MTA3: variants seen among roughly 807,000 people sequenced by gnomAD.
MTA3 encodes the protein metastasis associated 1 family member 3.
A neutral mutation model predicts 83.5 loss-of-function variants in MTA3; 34 were observed. That is an observed-to-expected ratio of 0.41 (90% CI 0.31 to 0.54). The LOEUF is 0.54. Ranked by LOEUF, MTA3 falls within the 20% of genes least tolerant of loss-of-function variation. The pLI is 0.33. For missense variants in MTA3, 761 were observed against 726.4 expected, an observed-to-expected ratio of 1.05 and a Z score of -0.55; for synonymous variants, 303 against 252.7, an observed-to-expected ratio of 1.20 and a Z score of -1.89.
In MTA3 at chr2:42,579,155, C is replaced by T. The variant is rs1391202157; in HGVS notation, c.145C>T (p.Arg49Cys). 8.1e-6 allele frequency: 13 copies of T among 1,607,556 alleles called. No homozygotes were observed. The highest frequency in any genetic ancestry group is 1.1e-5 in the Non-Finnish European group (13 of 1,177,246). ...EAKVVCFYRRRDISNTLIMLA... is the reference protein window; with the variant it reads ...EAKVVCFYRRCDISNTLIMLA... ...AAAAGTAGTATGCTTTTATAGACGA[C>T]GTGATATTTCCAACACACTTATAAT... The change falls in exon 3 of 17, where the codon CGT (arginine) becomes TGT (cysteine). Residue 49 changes from arginine (R) to cysteine (C), a missense_variant. Arg to Cys is a radical substitution (Grantham distance 180). Transcript: ENST00000405094.
intron 2 of MTA3, among the ~76,000 whole-genome samples, chr2:42,516,556 A>T (rs1467066380): frequency 6.6e-6 from 1 of 152,206 alleles, no homozygotes; most frequent in Non-Finnish European, 1.5e-5. Context: ...GTTTTATTGT[A>T]CAAAATGGCA....
chr2:42,582,673 G>A (rs957548923), intron 3 of MTA3, among the ~76,000 whole-genome samples: 1 of 152,116 alleles, frequency 6.6e-6, no homozygotes, highest in South Asian at 2.1e-4. Flanking sequence ...ATGATTTTTA[G>A]GGGGTCTGCT....
intron 2 of MTA3, among the ~76,000 whole-genome samples, chr2:42,539,577 CTTT>C (rs34577240): frequency 6.2e-5 from 6 of 96,622 alleles, no homozygotes; most frequent in Admixed American, 2.4e-4. Context: ...AATTGTAAAG[CTTT>C]TTTTTTTTTT....
In MTA3 at chr2:42,577,483, AT is replaced by A. The variant is rs750217309; in HGVS notation, c.97-1609del. ...ATATGCCTTGAAACTGTTGATTTGG[AT>A]TTTTTTTTTTTTTTGAGACGGATTG... On this transcript the variant is annotated intron_variant, in intron 2 of 16. Coordinates refer to ENST00000405094, the MANE Select transcript of MTA3 (RefSeq NM_001330442.2). 2.5e-3 allele frequency among the ~76,000 whole-genome samples: 359 copies of A among 142,316 alleles called. 2 individuals are homozygous for A. The highest frequency in any genetic ancestry group is 3.8e-3 in the East Asian group (19 of 4,978). 93.4% of individuals were successfully genotyped at this position (142,316 alleles called of 152,430 possible).
At chr2:42,571,879 A>G (rs1678525411) in intron 2 of MTA3, among the ~76,000 whole-genome samples, 1 of 151,560 alleles carries the variant, frequency 6.6e-6, no homozygotes, top group Non-Finnish European at 1.5e-5. Flanking sequence ...CCTGGGAGGC[A>G]TAGGTGGCAG....
intron 6 of MTA3, among the ~76,000 whole-genome samples, chr2:42,647,810 C>T (rs1212019248): frequency 6.6e-6 from 1 of 152,144 alleles, no homozygotes; most frequent in Non-Finnish European, 1.5e-5. Context: ...CACTTGTAAT[C>T]AGGCAACTGA....
chr2:42,626,442 C>T (rs1488503811), intron 4 of MTA3, among the ~76,000 whole-genome samples: 1 of 151,510 alleles, frequency 6.6e-6, no homozygotes, highest in Non-Finnish European at 1.5e-5. Context: ...GCATTAAAGG[C>T]ACCCACCACC....
In MTA3 at chr2:42,744,029, G is replaced by A. The variant is rs557300278; in HGVS notation, c.1760-9345G>A. On this transcript the variant is annotated intron_variant, in intron 16 of 16. Coordinates refer to ENST00000405094, the MANE Select transcript of MTA3 (RefSeq NM_001330442.2). The stretch of plus-strand genomic sequence containing the variant: ...TGCTCTCCTTGTCTCAAAGGGTAGT[G>A]TCATAACCTGGTTAAATATATTTTT... Among the ~76,000 whole-genome samples the A allele has an allele frequency of 1.4e-4, 22 of 152,324 alleles. 1 individual carries two copies. The South Asian group carries it at 4.1e-3, about 29-fold the overall frequency.
chr2:42,682,926 G>T (rs1018451486), intron 9 of MTA3, among the ~76,000 whole-genome samples: 1 of 152,052 alleles, frequency 6.6e-6, no homozygotes, highest in Admixed American at 6.6e-5. Flanking sequence ...TAAAAAACTC[G>T]CTGGGCGTGG....
rs767485847 is a variant in MTA3 at position 42,704,316 on chromosome 2, A to G, written c.1148A>G (p.Tyr383Cys). 7 of 1,613,544 alleles carry G rather than the reference A, an allele frequency of 4.3e-6. No individual in the cohort carries two copies. In the East Asian group the frequency reaches 6.7e-5, roughly 15 times the overall value. Residue 383 changes from tyrosine to cysteine, a missense_variant and splice_region_variant, in exon 12 of 17, where the codon TAT becomes TGT. Physicochemically the swap from Tyr to Cys is radical, Grantham distance 194 (BLOSUM62 -2). Coordinates refer to ENST00000405094, the MANE Select transcript of MTA3 (RefSeq NM_001330442.2). The stretch of plus-strand genomic sequence containing the variant: ...TTAGGGAGAGCCTGTGAGAGCTGCT[A>G]TGGTAAGTTTTCTCTAGCAGGTCAG... ...PLLGRACESC[Y>C]ATQSHQWYSW...
chr2:42,636,742 T>C (rs1687244465), intron 4 of MTA3, among the ~76,000 whole-genome samples: 1 of 148,804 alleles, frequency 6.7e-6, no homozygotes, highest in Non-Finnish European at 1.5e-5. Context: ...TTCTCCTGCC[T>C]CAGCCTCCAG....
chr2:42,687,646 A>G (rs879471426), intron 9 of MTA3, among the ~76,000 whole-genome samples: 3 of 152,224 alleles, frequency 2.0e-5, no homozygotes, highest in Non-Finnish European at 2.9e-5. Flanking sequence ...TTAGCTTTAT[A>G]ACATATCAGT....
At chr2:42,597,094 T>C (rs1681888286) in intron 3 of MTA3, among the ~76,000 whole-genome samples, 1 of 151,874 alleles carries the variant, frequency 6.6e-6, no homozygotes, top group Non-Finnish European at 1.5e-5. Flanking sequence ...TGTATTTTAG[T>C]AGAGACGGGG....
chr2:42,531,495 C>T (rs1436090290), intron 2 of MTA3, among the ~76,000 whole-genome samples: 1 of 130,324 alleles, frequency 7.7e-6, no homozygotes, highest in East Asian at 2.4e-4. Flanking sequence ...CTCTATCGCC[C>T]AGGCTAGAGT....
At chr2:42,514,956 G>A (rs1012853842) in intron 2 of MTA3, among the ~76,000 whole-genome samples, 2 of 151,744 alleles carry the variant, frequency 1.3e-5, no homozygotes, top group Non-Finnish European at 2.9e-5. Context: ...CTCCCAAAGC[G>A]CTGGGATTAC....
intron 14 of MTA3, among the ~76,000 whole-genome samples, chr2:42,711,788 G>GTT (rs1229927386): frequency 1.1e-4 from 17 of 149,264 alleles, no homozygotes; most frequent in South Asian, 4.3e-4. Flanking sequence ...GAGAGAGTGT[G>GTT]TGTGTGTGTG....
chr2:42,682,196 C>T (rs1447223243), intron 8 of MTA3, among the ~76,000 whole-genome samples: 1 of 152,042 alleles, frequency 6.6e-6, no homozygotes. Flanking sequence ...GCTCCCCTCC[C>T]CCCAAATAAG....
At chr2:42,558,760 G>A in intron 2 of MTA3, among the ~76,000 whole-genome samples, 1 of 149,620 alleles carries the variant, frequency 6.7e-6, no homozygotes, top group East Asian at 2.0e-4. Flanking sequence ...TCACCATATT[G>A]CCCAGGCTGG....
chr2:42,646,687 A>G (rs768336343), intron 6 of MTA3, among the ~76,000 whole-genome samples: 28 of 152,302 alleles, frequency 1.8e-4, no homozygotes, highest in Admixed American at 5.2e-4. Context: ...TAAAACTTGG[A>G]TGAGTGAGTA....
Sources: allele counts gnomAD v4.1 joint callset (sites outside exome capture counted in the v4.1 genomes callset), GRCh38; gene constraint gnomAD v4.1.1; transcripts MANE v1.5; gene names NCBI Gene and HGNC (gene_info 2026-07-23, HGNC 2026-07-21).